The following KCNK13 variants were observed in gnomAD, a reference collection of about 807,000 sequenced individuals.
The protein encoded by KCNK13 is potassium channel subfamily K member 13.
KCNK13 carries 12 observed loss-of-function variants against 23.4 expected under a neutral mutation model. The observed-to-expected ratio is 0.51, with a 90% CI of 0.33 to 0.83. KCNK13 has a LOEUF of 0.83. Among genes scored for constraint, KCNK13 ranks in the 40% least tolerant of loss-of-function variants. The probability of loss-of-function intolerance (pLI) is 0.02; values close to 1 mark genes in which losing one functional copy is unlikely to be tolerated. For synonymous variants in KCNK13, 231 were observed against 229.5 expected, an observed-to-expected ratio of 1.01 and a Z score of -0.06; for missense variants, 463 against 556.3, an observed-to-expected ratio of 0.83 and a Z score of 1.69.
intron 1 of KCNK13, among the ~76,000 whole-genome samples, chr14:90,069,039 T>TTC (rs1889042785): frequency 6.9e-6 from 1 of 145,692 alleles, no homozygotes; most frequent in Non-Finnish European, 1.5e-5. Flanking sequence ...TCTTTTTTTT[T>TTC]TTTTTTTTTT....
chr14:90,109,065 T>C (rs1889581559), intron 1 of KCNK13, among the ~76,000 whole-genome samples: 1 of 151,756 alleles, frequency 6.6e-6, no homozygotes, highest in Non-Finnish European at 1.5e-5. Flanking sequence ...TAGTCCCAGC[T>C]ACTCGGGAGG....
At chr14:90,100,035 G>C (rs1889456214) in intron 1 of KCNK13, among the ~76,000 whole-genome samples, 1 of 152,146 alleles carries the variant, frequency 6.6e-6, no homozygotes, top group Non-Finnish European at 1.5e-5. Flanking sequence ...GGCTCAGCTT[G>C]CTCCTGCCCT....
At position 90,183,968 on chromosome 14, in the gene KCNK13, C is replaced by A. The variant is rs989594587; in HGVS notation, c.335-143C>A. 1.2e-5 allele frequency: 9 copies of A among 730,600 alleles called. No individual in the cohort carries two copies. In the African/African-American group the frequency reaches 1.4e-4, roughly 12 times the overall value. 45.3% of individuals were successfully genotyped at this position (730,600 alleles called of 1,614,324 possible). On this transcript the variant is annotated intron_variant, in intron 1 of 1. Transcript: ENST00000282146. ...GTGTCTTCAAAAGCAGGTGAGAATT[C>A]TCCTGCTCATTCCTAGAAAGACTAA...
chr14:90,095,189 G>A (rs1350134721), intron 1 of KCNK13, among the ~76,000 whole-genome samples: 1 of 152,174 alleles, frequency 6.6e-6, no homozygotes, highest in Admixed American at 6.5e-5. Context: ...AACCACTGCG[G>A]CTAGCTTTAT....
At chr14:90,158,320 A>T (rs1188737783) in intron 1 of KCNK13, among the ~76,000 whole-genome samples, 1 of 152,226 alleles carries the variant, frequency 6.6e-6, no homozygotes, top group Non-Finnish European at 1.5e-5. Flanking sequence ...ATGCCCTCCC[A>T]GCTGGTGTCC....
intron 1 of KCNK13, among the ~76,000 whole-genome samples, chr14:90,153,085 C>T (rs899889089): frequency 6.6e-6 from 1 of 152,200 alleles, no homozygotes; most frequent in Non-Finnish European, 1.5e-5. Flanking sequence ...GTTTCTCCTG[C>T]AACCCTACCT....
Position 90,185,362 on chromosome 14 carries a change from C to T in KCNK13, c.*359C>T. On this transcript the variant is annotated 3_prime_UTR_variant, in exon 2 of 2. Transcript: ENST00000282146. ...AAGCCTTGATTTCCTGAAGCTCTCT[C>T]TGTTCCTTATTTGGGAACAAAAATT... 5.7e-6 allele frequency: 1 copy of T among 176,860 alleles called. No individual in the cohort carries two copies. Among genetic ancestry groups the T allele is most frequent in the Non-Finnish European group, 1.2e-5 (1 of 84,662 alleles). 11.0% of individuals were successfully genotyped at this position (176,860 alleles called of 1,614,324 possible).
intron 1 of KCNK13, among the ~76,000 whole-genome samples, chr14:90,144,382 G>T (rs1890049408): frequency 6.6e-6 from 1 of 151,438 alleles, no homozygotes; most frequent in African/African-American, 2.4e-5. Flanking sequence ...ATTATATTTT[G>T]TGTCCTGCAA....
chr14:90,062,286 C>A lies in KCNK13; in HGVS notation c.81C>A (p.Ile27=), dbSNP rs1409401164. 1 of 1,563,102 alleles carries A rather than the reference C, an allele frequency of 6.4e-7. No individual in the cohort carries two copies. Among genetic ancestry groups the A allele is most frequent in the Non-Finnish European group, 8.6e-7 (1 of 1,163,610 alleles). Residue 27 remains isoleucine (I), a synonymous_variant, in exon 1 of 2, where the codon ATC becomes ATA. Coordinates refer to ENST00000282146, the MANE Select transcript of KCNK13 (RefSeq NM_022054.4). This position sits in a 1 kb window ranked among gnomAD's most constrained non-coding sequence, Gnocchi z 4.5. Reference sequence around the variant, plus strand: ...GCTTTCTGCTGCTGGCCGCGCTCATCGTGCTCTACCTGCTGGGCGGCGCCG... The same window carrying A: ...GCTTTCTGCTGCTGGCCGCGCTCATAGTGCTCTACCTGCTGGGCGGCGCCG... The part of the protein sequence containing the change: ...NARFLLLAAL[I]VLYLLGGAAV...
At chr14:90,097,487 T>A (rs534344332) in intron 1 of KCNK13, among the ~76,000 whole-genome samples, 2 of 152,236 alleles carry the variant, frequency 1.3e-5, no homozygotes, top group East Asian at 3.9e-4. Context: ...CTGCCCCCTG[T>A]GACCCAAACA....
At chr14:90,091,653 C>A (rs1350432408) in intron 1 of KCNK13, among the ~76,000 whole-genome samples, 2 of 151,710 alleles carry the variant, frequency 1.3e-5, no homozygotes, top group Non-Finnish European at 1.5e-5. Context: ...TTATGAGTTC[C>A]ATGCAGACAG....
intron 1 of KCNK13, among the ~76,000 whole-genome samples, chr14:90,102,551 C>T (rs983187860): frequency 1.3e-5 from 2 of 152,166 alleles, no homozygotes; most frequent in Non-Finnish European, 2.9e-5. Flanking sequence ...TGTTGCCTTC[C>T]TGGTTATTGG....
intron 1 of KCNK13, among the ~76,000 whole-genome samples, chr14:90,149,416 C>T (rs925104803): frequency 3.3e-5 from 5 of 152,130 alleles, no homozygotes; most frequent in African/African-American, 1.2e-4. Context: ...GCTTGGGAGG[C>T]CTCACAATCA....
chr14:90,130,952 C>A (rs1198582695), intron 1 of KCNK13, among the ~76,000 whole-genome samples: 2 of 152,178 alleles, frequency 1.3e-5, no homozygotes, highest in African/African-American at 4.8e-5. Flanking sequence ...TTGATTCCAG[C>A]TCCTCTAGAG....
intron 1 of KCNK13, among the ~76,000 whole-genome samples, chr14:90,142,974 G>A (rs543859613): frequency 1.3e-5 from 2 of 152,294 alleles, no homozygotes; most frequent in South Asian, 2.1e-4. Context: ...TGGAAGATAA[G>A]GGCTAAAGGG....
chr14:90,123,888 T>G (rs527362860), intron 1 of KCNK13, among the ~76,000 whole-genome samples: 8 of 152,312 alleles, frequency 5.3e-5, no homozygotes, highest in South Asian at 4.2e-4. Flanking sequence ...CAACCCCAGC[T>G]TCCCTTTCAA....
chr14:90,113,947 A>C (rs1652277415), intron 1 of KCNK13, among the ~76,000 whole-genome samples: 4 of 150,934 alleles, frequency 2.7e-5, no homozygotes, highest in Non-Finnish European at 5.9e-5. Context: ...GAAGAAGAAG[A>C]AAAAAAAAGA....
At chr14:90,082,015 A>T (rs1385656065) in intron 1 of KCNK13, among the ~76,000 whole-genome samples, 3 of 152,176 alleles carry the variant, frequency 2.0e-5, no homozygotes, top group African/African-American at 7.2e-5. Flanking sequence ...CACTAGATTC[A>T]GTTGCTCAAT....
At chr14:90,099,218 G>A (rs148582909) in intron 1 of KCNK13, among the ~76,000 whole-genome samples, 5 of 152,278 alleles carry the variant, frequency 3.3e-5, no homozygotes, top group African/African-American at 1.2e-4. Flanking sequence ...AGTCCACTCT[G>A]CTTTCTCAGT....
Sources: allele counts gnomAD v4.1 joint callset (sites outside exome capture counted in the v4.1 genomes callset), GRCh38; gene constraint gnomAD v4.1.1; non-coding constraint Gnocchi (gnomAD v3.1); transcripts MANE v1.5; gene names NCBI Gene and HGNC (gene_info 2026-07-23, HGNC 2026-07-21).